The following TTC21B variants were observed in gnomAD, a reference collection of about 807,000 sequenced individuals.
TTC21B encodes the protein tetratricopeptide repeat domain 21B, also known as tetratricopeptide repeat protein 21B.
A neutral mutation model predicts 175.1 loss-of-function variants in TTC21B; 127 were observed. The ratio of observed to expected loss-of-function variants is 0.73; its 90% CI spans 0.63 to 0.84. The LOEUF is 0.84. Ranked by LOEUF, TTC21B falls within the 40% of genes least tolerant of loss-of-function variation. The pLI, the probability that TTC21B is intolerant of heterozygous loss-of-function variation, is 0.00. For synonymous variants in TTC21B, 524 were observed against 524.5 expected, an observed-to-expected ratio of 1.00 and a Z score of 0.01; for missense variants, 1,561 against 1,558.3, an observed-to-expected ratio of 1.00 and a Z score of -0.03.
intron 6 of TTC21B, among the ~76,000 whole-genome samples, chr2:165,934,517 A>AAAAAAAAAAAAAAAAAAG (rs1553514802): frequency 1.7e-5 from 2 of 116,526 alleles, no homozygotes; most frequent in African/African-American, 6.4e-5. Flanking sequence ...AAAAAAAAAA[A>AAAAAAAAAAAAAAAAAAG]AAAAGAAAAG....
rs192253264 is a variant in TTC21B at position 165,938,255 on chromosome 2, A to G, written c.710+2772T>C. On this transcript the variant is annotated intron_variant, in intron 6 of 28. Transcript: ENST00000243344. Reference sequence around the variant, plus strand: ...GGAAAAGACTTCAGCATCTTATCCTACTTTTCTTATATGAACCATACCACT... The same window carrying G: ...GGAAAAGACTTCAGCATCTTATCCTGCTTTTCTTATATGAACCATACCACT... 1.2e-4 allele frequency among the ~76,000 whole-genome samples: 19 copies of G among 152,080 alleles called. No individual in the cohort carries two copies. The East Asian group carries it at 2.3e-3, about 19-fold the overall frequency.
At chr2:165,883,441 A>T (rs1684899382) in intron 26 of TTC21B, among the ~76,000 whole-genome samples, 3 of 152,194 alleles carry the variant, frequency 2.0e-5, no homozygotes, top group Non-Finnish European at 1.5e-5. Flanking sequence ...AGTATTTCTT[A>T]ATGGGAGGGA....
intron 28 of TTC21B, among the ~76,000 whole-genome samples, chr2:165,875,180 T>C (rs1684625805): frequency 6.6e-6 from 1 of 152,204 alleles, no homozygotes; most frequent in South Asian, 2.1e-4. Flanking sequence ...AGAGAGTGAC[T>C]TTTATACAGC....
At chr2:165,919,035 G>A (rs1271844296) in intron 13 of TTC21B, among the ~76,000 whole-genome samples, 4 of 152,110 alleles carry the variant, frequency 2.6e-5, no homozygotes, top group Non-Finnish European at 4.4e-5. Flanking sequence ...GAAAACTGAG[G>A]CTCAGAGAGA....
chr2:165,940,193 C>T (rs959788019), intron 6 of TTC21B, among the ~76,000 whole-genome samples: 1 of 152,184 alleles, frequency 6.6e-6, no homozygotes, highest in African/African-American at 2.4e-5. Flanking sequence ...TCCACCACAA[C>T]TATACTGGGC....
intron 1 of TTC21B, among the ~76,000 whole-genome samples, chr2:165,950,822 G>A (rs938865863): frequency 6.6e-6 from 1 of 152,104 alleles, no homozygotes; most frequent in Non-Finnish European, 1.5e-5. Flanking sequence ...TGGCCAGGCT[G>A]GTCTTGAACT....
intron 28 of TTC21B, 94 bp from the exon 29 acceptor site, chr2:165,874,926 G>C: frequency 8.9e-7 from 1 of 1,125,772 alleles, no homozygotes; most frequent in Non-Finnish European, 1.3e-6. Context: ...TTACAGTTAA[G>C]ATTTCCTTGT....
intron 6 of TTC21B, among the ~76,000 whole-genome samples, chr2:165,935,038 T>C (rs1441853169): frequency 6.6e-6 from 1 of 152,180 alleles, no homozygotes; most frequent in African/African-American, 2.4e-5. Context: ...GGCCTGGGCT[T>C]TTATGAAAAG....
At chr2:165,913,011 A>C (rs1686011533) in intron 16 of TTC21B, among the ~76,000 whole-genome samples, 3 of 152,046 alleles carry the variant, frequency 2.0e-5, no homozygotes, top group South Asian at 2.1e-4. Context: ...ATAAAGAAGA[A>C]GACTCCTAAC....
At chr2:165,927,016 A>C (rs1336219499) in intron 11 of TTC21B, among the ~76,000 whole-genome samples, 1 of 100,060 alleles carries the variant, frequency 1.0e-5, no homozygotes, top group Non-Finnish European at 2.0e-5. Context: ...ATATATATAT[A>C]TCTCCTAGTA....
intron 12 of TTC21B, among the ~76,000 whole-genome samples, chr2:165,923,774 G>A (rs1686512098): frequency 7.6e-6 from 1 of 131,722 alleles, no homozygotes; most frequent in Admixed American, 8.3e-5. Flanking sequence ...TAATGAGACA[G>A]GGTCTCACTC....
chr2:165,913,973 T>C lies in TTC21B; in HGVS notation c.2139-327A>G, dbSNP rs189498594. Among the ~76,000 whole-genome samples, 608 of 152,204 alleles carry C rather than the reference T, an allele frequency of 4.0e-3. 6 individuals carry two copies. Among genetic ancestry groups the C allele is most frequent in the Non-Finnish European group, 3.0e-3 (206 of 68,008 alleles). On this transcript the variant is annotated intron_variant, in intron 15 of 28. Transcript: ENST00000243344. ...TTCTGAAATGATGTGGGAGTGAAGG[T>C]ACCAAAAAAATGATGGGAGAATAAA...
At chr2:165,904,264 A>G (rs901889313) in intron 19 of TTC21B, among the ~76,000 whole-genome samples, 3 of 152,220 alleles carry the variant, frequency 2.0e-5, no homozygotes, top group Non-Finnish European at 4.4e-5. Context: ...TCAGAAAATA[A>G]GAGCTAAAAT....
chr2:165,889,595 A>G (rs757212477), intron 24 of TTC21B, among the ~76,000 whole-genome samples: 3 of 152,114 alleles, frequency 2.0e-5, no homozygotes, highest in Non-Finnish European at 4.4e-5. Flanking sequence ...CAACCTTCCT[A>G]AAACAACCAT....
Position 165,946,683 on chromosome 2 carries a change from C to T in TTC21B, c.263-993G>A, listed in dbSNP as rs989254626. Among the ~76,000 whole-genome samples the T allele has an allele frequency of 1.4e-4, 22 of 151,920 alleles. No homozygotes were observed. In the East Asian group the frequency reaches 1.8e-3, roughly 12 times the overall value. ...CGAAACTCCATCTAAAAATAAAAAACAAAAATAGATGGGCGTGGTGGTGGG... is the reference window on the plus strand; with the variant it reads ...CGAAACTCCATCTAAAAATAAAAAATAAAAATAGATGGGCGTGGTGGTGGG... On this transcript the variant is annotated intron_variant, in intron 3 of 28. Transcript: ENST00000243344.
At chr2:165,932,853 T>G in intron 7 of TTC21B, 120 bp downstream of exon 7, 4 of 865,894 alleles carry the variant, frequency 4.6e-6, no homozygotes, top group Non-Finnish European at 7.4e-6. Flanking sequence ...ACTACCATGA[T>G]GTATATTTTA....
chr2:165,891,138 A>C (rs550682812), intron 22 of TTC21B, 150 bp from the exon 23 acceptor site: 1 of 700,792 alleles, frequency 1.4e-6, no homozygotes, highest in African/African-American at 1.8e-5. Flanking sequence ...TTCCCTATAG[A>C]GGCTGTATGG....
chr2:165,940,252 C>T (rs1230037494), intron 6 of TTC21B, among the ~76,000 whole-genome samples: 1 of 152,166 alleles, frequency 6.6e-6, no homozygotes, highest in African/African-American at 2.4e-5. Flanking sequence ...AAAGGTTCTC[C>T]CTGCTTCTGC....
At chr2:165,897,853 TGAA>T (rs1317098616) in intron 22 of TTC21B, among the ~76,000 whole-genome samples, 2 of 152,012 alleles carry the variant, frequency 1.3e-5, no homozygotes, top group Non-Finnish European at 2.9e-5. Flanking sequence ...CAGAGACAAA[TGAA>T]GAAAGTCTTT....
Sources: gnomAD v4.1 joint callset for allele counts (sites outside exome capture counted in the v4.1 genomes callset) on GRCh38, gnomAD v4.1.1 for gene constraint, MANE v1.5 for transcripts, NCBI Gene and HGNC (gene_info 2026-07-23, HGNC 2026-07-21) for gene names.